Variants in ARAP2 observed in about 807,000 individuals in gnomAD.
ARAP2 encodes the protein ArfGAP with RhoGAP domain, ankyrin repeat and PH domain 2.
In ARAP2, 148 loss-of-function variants were observed where a neutral mutation model predicts 194.5. The observed-to-expected ratio is 0.76, with a 90% CI of 0.67 to 0.87. The LOEUF is 0.87. Ranked by LOEUF, ARAP2 falls within the 40% of genes least tolerant of loss-of-function variation. ARAP2 has a pLI of 0.00. For synonymous variants in ARAP2, 695 were observed against 683.5 expected, an observed-to-expected ratio of 1.02 and a Z score of -0.26; for missense variants, 2,128 against 1,989.7, an observed-to-expected ratio of 1.07 and a Z score of -1.32.
chr4:36,223,938 C>T (rs114025827), intron 2 of ARAP2, among the ~76,000 whole-genome samples: 356 of 152,132 alleles, frequency 2.3e-3, no homozygotes, highest in Non-Finnish European at 3.8e-3. Context: ...ACAAAGACAA[C>T]TATCATTGGT....
chr4:36,139,497 C>T (rs1329635082), intron 19 of ARAP2, among the ~76,000 whole-genome samples: 1 of 151,576 alleles, frequency 6.6e-6, no homozygotes, highest in African/African-American at 2.4e-5. Flanking sequence ...ATTTGTGGCT[C>T]AGATTTTTTA....
chr4:36,181,818 A>T (rs555865793), intron 8 of ARAP2, among the ~76,000 whole-genome samples: 1 of 152,296 alleles, frequency 6.6e-6, no homozygotes, highest in South Asian at 2.1e-4. Flanking sequence ...GGCCATAAAA[A>T]CTTAAATATA....
At chr4:36,057,574 ATTT>A (rs926556926) in intron 2 of ARAP2, among the ~76,000 whole-genome samples, 1 of 151,610 alleles carries the variant, frequency 6.6e-6, no homozygotes, top group African/African-American at 2.4e-5. Flanking sequence ...GATATATTTG[ATTT>A]TTTTTACTAA....
At chr4:36,197,550 T>A (rs895661499) in intron 6 of ARAP2, among the ~76,000 whole-genome samples, 10 of 152,256 alleles carry the variant, frequency 6.6e-5, no homozygotes, top group African/African-American at 2.4e-4. Context: ...CACCTTTGCC[T>A]GAGTTCTGCT....
At chr4:36,077,604 C>T (rs966034506) in intron 31 of ARAP2, among the ~76,000 whole-genome samples, 2 of 152,066 alleles carry the variant, frequency 1.3e-5, no homozygotes, top group Non-Finnish European at 2.9e-5. Context: ...ATTTGTCTTA[C>T]CATATTCATT....
chr4:36,187,678 T>C, intron 7 of ARAP2, 107 bp from the exon 8 acceptor site: 3 of 996,640 alleles, frequency 3.0e-6, no homozygotes, highest in Non-Finnish European at 4.2e-6. Flanking sequence ...ATAATTTCAA[T>C]CCAAATTTTT....
intron 27 of ARAP2, among the ~76,000 whole-genome samples, chr4:36,096,545 T>C (rs1715374186): frequency 6.6e-6 from 1 of 152,082 alleles, no homozygotes; most frequent in African/African-American, 2.4e-5. Context: ...GAGCATGGAA[T>C]GACCACTTGG....
intron 2 of ARAP2, among the ~76,000 whole-genome samples, chr4:36,216,094 A>C (rs1747879820): frequency 6.6e-6 from 1 of 151,638 alleles, no homozygotes; most frequent in Non-Finnish European, 1.5e-5. Context: ...AAAAAAAAAA[A>C]AAACAACGAA....
chr4:36,229,448 A>G lies in ARAP2; in HGVS notation c.39T>C (p.Asp13=). The change falls in exon 2 of 33, where the codon GAT becomes GAC. Residue 13 remains aspartate (D), a synonymous_variant. Coordinates refer to ENST00000303965, the MANE Select transcript of ARAP2 (RefSeq NM_015230.4). ...GCTCCAAATTAATGCTCATTAGGAA[A>G]TCTTTTATATCCACATTTACTTCAC... ...SVSEVNVDIK[D]FLMSINLEQY... 6.2e-7 allele frequency: 1 copy of G among 1,612,814 alleles called. No homozygotes were observed. The highest frequency in any genetic ancestry group is 8.5e-7 in the Non-Finnish European group (1 of 1,179,168).
At chr4:36,185,023 C>T (rs1000215274) in intron 8 of ARAP2, among the ~76,000 whole-genome samples, 14 of 152,146 alleles carry the variant, frequency 9.2e-5, no homozygotes, top group African/African-American at 2.9e-4. Flanking sequence ...CAGGGGTTTG[C>T]ACACTTTGTC....
At chr4:36,053,813 A>C (rs1723072029) in intron 2 of ARAP2, among the ~76,000 whole-genome samples, 2 of 152,230 alleles carry the variant, frequency 1.3e-5, no homozygotes, top group South Asian at 4.1e-4. Context: ...GTTTATTCGC[A>C]TTATGGATGA....
At chr4:36,208,400 C>T (rs1219466522) in intron 6 of ARAP2, among the ~76,000 whole-genome samples, 1 of 152,192 alleles carries the variant, frequency 6.6e-6, no homozygotes, top group Non-Finnish European at 1.5e-5. Context: ...GAGTTAAATA[C>T]TTGCAACAGA....
At chr4:36,062,675 G>A (rs1465543244), downstream of ARAP2, among the ~76,000 whole-genome samples, 1 of 149,490 alleles carries the variant, frequency 6.7e-6, no homozygotes, top group Non-Finnish European at 1.5e-5. Flanking sequence ...TAAAACAGTT[G>A]TTGAAAAAAG....
intron 5 of ARAP2, among the ~76,000 whole-genome samples, chr4:36,024,793 ATATAT>A (rs1171196300): frequency 1.3e-5 from 2 of 152,126 alleles, no homozygotes; most frequent in African/African-American, 2.4e-5. Context: ...TCTAAATACT[ATATAT>A]TATATTTTTA....
chr4:36,122,715 A>G (rs1201661521), intron 22 of ARAP2, among the ~76,000 whole-genome samples: 1 of 151,754 alleles, frequency 6.6e-6, no homozygotes, highest in Non-Finnish European at 1.5e-5. Context: ...ATACAAGTTT[A>G]CCTGTGTAAC....
In ARAP2 at chr4:36,164,992, T is replaced by C. The variant is rs1237934599; in HGVS notation, c.2095A>G (p.Ser699Gly). 3 of 1,614,098 alleles carry C rather than the reference T, an allele frequency of 1.9e-6. No individual in the cohort carries two copies. Among genetic ancestry groups the C allele is most frequent in the Non-Finnish European group, 2.5e-6 (3 of 1,179,966 alleles). Residue 699 changes from serine to glycine, a missense_variant, in exon 11 of 33, where the codon AGC becomes GGC. Transcript: ENST00000303965. ...TCTGGGGCTTTACAATCTGCACAGC[T>C]CCTGTTGGATTCATTGAACCAAATC... The part of the protein sequence containing the change: ...EKIWFNESNR[S>G]CADCKAPDPD...
intron 19 of ARAP2, among the ~76,000 whole-genome samples, chr4:36,138,680 G>C (rs560427378): frequency 6.6e-6 from 1 of 151,726 alleles, no homozygotes; most frequent in East Asian, 1.9e-4. Context: ...TTGTATAGGA[G>C]TCATTTTGTG....
intron 5 of ARAP2, among the ~76,000 whole-genome samples, chr4:36,033,314 T>G (rs1719313443): frequency 6.6e-6 from 1 of 152,200 alleles, no homozygotes; most frequent in South Asian, 2.1e-4. Context: ...CATTCCCTAC[T>G]ATTTGACTTT....
intron 28 of ARAP2, among the ~76,000 whole-genome samples, chr4:36,091,140 A>T (rs1225104419): frequency 1.3e-5 from 2 of 152,014 alleles, no homozygotes; most frequent in Admixed American, 6.6e-5. Context: ...CAGAGAATAT[A>T]AAAAAAATCA....
Sources: gnomAD v4.1 joint callset for allele counts (sites outside exome capture counted in the v4.1 genomes callset) on GRCh38, gnomAD v4.1.1 for gene constraint, MANE v1.5 for transcripts, NCBI Gene and HGNC (gene_info 2026-07-23, HGNC 2026-07-21) for gene names.